TRIP11: variants seen among roughly 807,000 people sequenced by gnomAD.
The protein encoded by TRIP11 is thyroid hormone receptor interactor 11.
A neutral mutation model predicts 223.1 loss-of-function variants in TRIP11; 148 were observed. The observed-to-expected ratio is 0.66, with a 90% CI of 0.58 to 0.76. The LOEUF is 0.76. Among genes scored for constraint, TRIP11 ranks in the 30% least tolerant of loss-of-function variants. The pLI, the probability that TRIP11 is intolerant of heterozygous loss-of-function variation, is 0.00. For missense variants in TRIP11, 2,043 were observed against 2,222.0 expected (o/e 0.92, Z 1.62); for synonymous variants, 762 against 772.6 (o/e 0.99, Z 0.23).
intron 16 of TRIP11, among the ~76,000 whole-genome samples, chr14:91,980,135 A>C (rs2056519093): frequency 6.6e-6 from 1 of 152,236 alleles, no homozygotes; most frequent in Non-Finnish European, 1.5e-5. Context: ...ACATGGTGCC[A>C]TGGTCTTCAA....
At chr14:92,007,980 T>TAC (rs1472960786) in intron 9 of TRIP11, 128 bp from the exon 10 acceptor site, 70 of 698,258 alleles carry the variant, frequency 1.0e-4, no homozygotes, top group Non-Finnish European at 1.5e-4. Flanking sequence ...TATTGAACAA[T>TAC]ACCTCAATAA....
At chr14:91,991,309 C>T (rs72705396) in intron 15 of TRIP11, among the ~76,000 whole-genome samples, 2,790 of 152,236 alleles carry the variant, frequency 0.018, 40 homozygotes, top group Non-Finnish European at 0.031. Flanking sequence ...TTGCTGGCAC[C>T]TTAATCTTGG....
chr14:92,027,597 A>G lies in TRIP11; in HGVS notation c.202-2177T>C, dbSNP rs2057206396. On this transcript the variant is annotated intron_variant, in intron 2 of 20. Coordinates refer to ENST00000267622, the MANE Select transcript of TRIP11 (RefSeq NM_004239.4). The stretch of plus-strand genomic sequence containing the variant: ...AACAAAAAGAACATAATGGGGCAAA[A>G]GAAATGGACACTAAAACTCTCTACA... Among the ~76,000 whole-genome samples the G allele has an allele frequency of 2.0e-5, 3 of 152,332 alleles. No homozygotes were observed. The South Asian group carries it at 6.2e-4, about 32-fold the overall frequency.
rs113761302 is a variant in TRIP11 at position 92,006,660 on chromosome 14, G to C, written c.1528-212C>G. The stretch of plus-strand genomic sequence containing the variant: ...TCTTGTCTTTTTTGTTTTTTGAGAC[G>C]GAGTTTCGCTCTTGTTGCCCAGGCT... On this transcript the variant is annotated intron_variant, in intron 10 of 20. Transcript: ENST00000267622. Among the ~76,000 whole-genome samples, 613 of 151,938 alleles carry C rather than the reference G, an allele frequency of 4.0e-3. 3 individuals carry two copies. The highest frequency in any genetic ancestry group is 0.014 in the African/African-American group (581 of 41,446).
chr14:92,028,415 T>C (rs2057217198), intron 2 of TRIP11, among the ~76,000 whole-genome samples: 1 of 152,056 alleles, frequency 6.6e-6, no homozygotes, highest in African/African-American at 2.4e-5. Context: ...TAGCTGGGCA[T>C]GTTGGCTTGC....
At chr14:91,972,662 CATACATT>C in intron 20 of TRIP11, 48 bp downstream of exon 20, 5 of 1,539,720 alleles carry the variant, frequency 3.2e-6, no homozygotes, top group Non-Finnish European at 4.4e-6. Flanking sequence ...GAAACATAAT[CATACATT>C]AAACATTCAA....
At position 92,025,357 on chromosome 14, in the gene TRIP11, T is replaced by C; in HGVS notation, c.265A>G (p.Ile89Val). ...EEKHEASEIQ[I>V]KQQSTSYRNQ... ...CGGTAACTTGTAGATTGCTGCTTTA[T>C]TTGAATCTCTGATGCTTCATGTTTC... Residue 89 changes from isoleucine to valine, a missense_variant, in exon 3 of 21, where the codon ATA becomes GTA. Ile to Val is a conservative substitution (Grantham distance 29, BLOSUM62 3). Coordinates refer to ENST00000267622, the MANE Select transcript of TRIP11 (RefSeq NM_004239.4). The C allele has an allele frequency of 6.2e-7, 1 of 1,613,682 alleles. No individual in the cohort carries two copies. Among genetic ancestry groups the C allele is most frequent in the Non-Finnish European group, 8.5e-7 (1 of 1,179,952 alleles).
intron 2 of TRIP11, among the ~76,000 whole-genome samples, chr14:92,028,133 G>GT (rs990851031): frequency 1.3e-4 from 19 of 151,866 alleles, no homozygotes; most frequent in African/African-American, 4.3e-4. Context: ...TTCACTTCAG[G>GT]TTTTTTTTCA....
chr14:91,967,154 T>C lies in TRIP11; in HGVS notation c.*2519A>G, dbSNP rs2056349952. The C allele has an allele frequency of 5.8e-6, 1 of 172,480 alleles. No individual in the cohort carries two copies. The highest frequency in any genetic ancestry group is 1.2e-5 in the Non-Finnish European group (1 of 82,996). 10.7% of individuals were successfully genotyped at this position (172,480 alleles called of 1,614,324 possible). On this transcript the variant is annotated 3_prime_UTR_variant, in exon 21 of 21. Transcript: ENST00000267622. Reference sequence around the variant, plus strand: ...CTATAGCTTTTTTTTTTTTTTTTTTTTTTTTGAGACAGAGTCTCGCTCTGT... The same window carrying C: ...CTATAGCTTTTTTTTTTTTTTTTTTCTTTTTGAGACAGAGTCTCGCTCTGT...
intron 12 of TRIP11, among the ~76,000 whole-genome samples, 177 bp downstream of exon 12, chr14:91,999,791 T>C (rs1310556751): frequency 6.6e-6 from 1 of 152,206 alleles, no homozygotes; most frequent in African/African-American, 2.4e-5. Context: ...ATTTTCACTT[T>C]TGAAGACTGA....
chr14:92,008,987 C>CA (rs1312320891), intron 9 of TRIP11, among the ~76,000 whole-genome samples: 1 of 152,088 alleles, frequency 6.6e-6, no homozygotes, highest in East Asian at 1.9e-4. Context: ...GTTGAAAAAA[C>CA]AGAGATCCGA....
intron 3 of TRIP11, among the ~76,000 whole-genome samples, chr14:92,022,633 C>T (rs1181514362): frequency 6.6e-6 from 1 of 152,126 alleles, no homozygotes; most frequent in East Asian, 1.9e-4. Context: ...TTATTCAAAA[C>T]ACAAAATCAA....
In TRIP11 at chr14:91,995,267, G is replaced by A. The variant is rs1473102894; in HGVS notation, c.5056+85C>T. 2.6e-6 allele frequency: 4 copies of A among 1,523,936 alleles called. No homozygotes were observed. In the East Asian group the frequency reaches 9.0e-5, roughly 34 times the overall value. The allele number at this position is 1,523,936 out of a possible 1,614,324, so 94.4% of individuals were successfully genotyped here. On this transcript the variant is annotated intron_variant, in intron 14 of 20. Coordinates refer to ENST00000267622, the MANE Select transcript of TRIP11 (RefSeq NM_004239.4). ...GGTAACCTTTCAGAGATTTCCCCGT[G>A]CCTCATCTAAAATAGCTCTCAAATT...
Position 92,000,381 on chromosome 14 carries a change from T to C in TRIP11, c.4558-273A>G, listed in dbSNP as rs115544452. ...TCTAAATATAATGAATATAAAGCGG[T>C]ATCCTGCCGGTACAGGAAAAGGACA... On this transcript the variant is annotated intron_variant, in intron 11 of 20. Transcript: ENST00000267622. Among the ~76,000 whole-genome samples the C allele has an allele frequency of 0.028, 4,213 of 152,206 alleles. 199 individuals are homozygous for C. Among genetic ancestry groups the C allele is most frequent in the African/African-American group, 0.094 (3,920 of 41,496 alleles).
intron 1 of TRIP11, 41 bp downstream of exon 1, chr14:92,039,506 G>C (rs1172239182): frequency 6.2e-7 from 1 of 1,608,458 alleles, no homozygotes; most frequent in Non-Finnish European, 8.5e-7. Context: ...ACGTTCCCAG[G>C]GTCTTAGAAA....
At chr14:92,006,551 AT>A in intron 10 of TRIP11, 103 bp from the exon 11 acceptor site, 1 of 1,219,052 alleles carries the variant, frequency 8.2e-7, no homozygotes, top group Non-Finnish European at 1.2e-6. Context: ...ATCCTCAAAT[AT>A]TTCTAATCCT....
At position 91,972,837 on chromosome 14, in the gene TRIP11, A is replaced by T. The variant is rs1294741099; in HGVS notation, c.5599T>A (p.Phe1867Ile). The change falls in exon 20 of 21, where the codon TTT becomes ATT. Residue 1867 changes from phenylalanine (F) to isoleucine (I), a missense_variant. Phe to Ile is a conservative substitution (Grantham distance 21). Coordinates refer to ENST00000267622, the MANE Select transcript of TRIP11 (RefSeq NM_004239.4). ...GATGGATGAGATTCTGTTTCTAGAA[A>T]TTTAACAAAAAGTTCTGAAAAAGAC... The part of the protein sequence containing the change: ...NSSFSELFVK[F>I]LETESHPSIP... The T allele has an allele frequency of 6.2e-7, 1 of 1,612,724 alleles. No homozygotes were observed. The highest frequency in any genetic ancestry group is 1.7e-5 in the Admixed American group (1 of 59,986).
In TRIP11 at chr14:91,968,320, G is replaced by T; in HGVS notation, c.*1353C>A. On this transcript the variant is annotated 3_prime_UTR_variant, in exon 21 of 21. Transcript: ENST00000267622. ...AATATGAACATCCAGATACAGTTAA[G>T]TTTCAAGTCGGGATTTTTTTTTTAT... is the stretch of plus-strand genomic sequence containing the variant. 1 of 204,510 alleles carries T rather than the reference G, an allele frequency of 4.9e-6. No individual in the cohort carries two copies. Among genetic ancestry groups the T allele is most frequent in the Non-Finnish European group, 1.0e-5 (1 of 100,276 alleles). 12.7% of individuals were successfully genotyped at this position (204,510 alleles called of 1,614,324 possible). A position where few individuals can be genotyped will look rare whatever the true frequency, so the allele number is the denominator to read the frequency against.
chr14:92,029,605 T>C (rs1195532416), intron 2 of TRIP11, among the ~76,000 whole-genome samples: 1 of 151,128 alleles, frequency 6.6e-6, no homozygotes, highest in Non-Finnish European at 1.5e-5. Flanking sequence ...TGAGCCACCA[T>C]GCCTGGCCTA....
Sources: allele counts gnomAD v4.1 joint callset (sites outside exome capture counted in the v4.1 genomes callset), GRCh38; gene constraint gnomAD v4.1.1; transcripts MANE v1.5; gene names NCBI Gene and HGNC (gene_info 2026-07-23, HGNC 2026-07-21).